Variants in KDM1A observed in about 807,000 individuals in gnomAD.
KDM1A encodes lysine demethylase 1A.
Under a neutral mutation model 109.4 loss-of-function variants are expected in KDM1A, and 49 were observed. The ratio of observed to expected loss-of-function variants is 0.45; its 90% CI spans 0.36 to 0.57. The LOEUF is 0.57. KDM1A is among the 20% of genes least tolerant of loss of function. The pLI, the probability that KDM1A is intolerant of heterozygous loss-of-function variation, is 0.00. For missense variants in KDM1A, 668 were observed against 1,116.6 expected, an observed-to-expected ratio of 0.60 and a Z score of 5.73; for synonymous variants, 380 against 415.4, an observed-to-expected ratio of 0.91 and a Z score of 1.04.
intron 3 of KDM1A, among the ~76,000 whole-genome samples, chr1:23,047,382 AG>A (rs1642532155): frequency 6.6e-6 from 1 of 152,188 alleles, no homozygotes; most frequent in African/African-American, 2.4e-5. Flanking sequence ...GAGAATAGCT[AG>A]TTTTCTTAGA....
At chr1:23,055,007 T>C (rs767305635) in intron 5 of KDM1A, 62 bp from the exon 6 acceptor site, 2 of 1,017,146 alleles carry the variant, frequency 2.0e-6, no homozygotes, top group Non-Finnish European at 3.0e-6. Flanking sequence ...ATGGAAGAGT[T>C]AGAAGAATAT....
rs753939457 is a variant in KDM1A at position 23,044,462 on chromosome 1, G to A, written c.553G>A (p.Gly185Arg). Residue 185 changes from glycine (G) to arginine (R), a missense_variant, in exon 3 of 21, where the codon GGG (glycine) becomes AGG (arginine). Transcript: ENST00000400181. The stretch of plus-strand genomic sequence containing the variant: ...AGGACTTCAAGACGACAGTTCTGGA[G>A]GGTATGGAGACGGCCAAGCATCAGG... ...AGGLQDDSSG[G>R]YGDGQASGVE... 1.2e-6 allele frequency: 2 copies of A among 1,612,918 alleles called. No homozygotes were observed. The highest frequency in any genetic ancestry group is 2.2e-5 in the South Asian group (2 of 90,900).
At chr1:23,077,070 G>A (rs1643487304) in intron 15 of KDM1A, among the ~76,000 whole-genome samples, 158 bp from the exon 16 acceptor site, 1 of 151,918 alleles carries the variant, frequency 6.6e-6, no homozygotes. Flanking sequence ...GTTTCCTTTG[G>A]TAACTGTAGC....
chr1:23,046,496 A>G (rs1056882761), intron 3 of KDM1A, among the ~76,000 whole-genome samples: 1 of 152,136 alleles, frequency 6.6e-6, no homozygotes, highest in Admixed American at 6.5e-5. Flanking sequence ...AGTAACTCTC[A>G]TGGAGGCCTT....
chr1:23,039,602 C>G (rs1340453081), intron 2 of KDM1A, among the ~76,000 whole-genome samples: 1 of 152,224 alleles, frequency 6.6e-6, no homozygotes, highest in Non-Finnish European at 1.5e-5. Flanking sequence ...CTTGATCTCC[C>G]ACTGCTTTTT....
chr1:23,030,587 A>G lies in KDM1A; in HGVS notation c.470A>G (p.Gln157Arg). 6.2e-7 allele frequency: 1 copy of G among 1,600,018 alleles called. No homozygotes were observed. The highest frequency in any genetic ancestry group is 8.5e-7 in the Non-Finnish European group (1 of 1,176,188). ...AAGAAGCTTCCCCCACCACCCCCTC[A>G]AGCCCCACCTGAGGAAGAAAATGAA... ...KEKKLPPPPP[Q>R]APPEEENESE... Residue 157 changes from glutamine (Q) to arginine (R), a missense_variant, in exon 2 of 21, where the codon CAA becomes CGA. By Grantham distance (43) the Gln-to-Arg change is conservative (BLOSUM62 1). This residue lies in a region of KDM1A where 149 missense variants were observed against 189.7 expected (regional missense o/e 0.79). Coordinates refer to ENST00000400181, the MANE Select transcript of KDM1A (RefSeq NM_001009999.3).
intron 3 of KDM1A, among the ~76,000 whole-genome samples, chr1:23,049,171 A>AAG (rs1284742413): frequency 4.6e-5 from 7 of 150,798 alleles, no homozygotes; most frequent in Non-Finnish European, 1.0e-4. Flanking sequence ...AAAAAAAAAA[A>AAG]AAAAATTATA....
chr1:23,078,378 AATAT>A (rs1302863151), intron 16 of KDM1A, among the ~76,000 whole-genome samples: 2 of 152,200 alleles, frequency 1.3e-5, no homozygotes, highest in African/African-American at 4.8e-5. Context: ...ATAATTTCAA[AATAT>A]ATATAGTATA....
Position 23,019,771 on chromosome 1 carries a change from A to G in KDM1A, c.175A>G (p.Thr59Ala). 2.2e-6 allele frequency: 3 copies of G among 1,361,420 alleles called. No individual in the cohort carries two copies. The highest frequency in any genetic ancestry group is 2.8e-6 in the Non-Finnish European group (3 of 1,055,444). The allele number at this position is 1,361,420 out of a possible 1,614,324, so 84.3% of individuals were successfully genotyped here. ...EVGPGAVGER[T>A]PRKKEPPRAS... is the part of the protein sequence containing the mutation. ...CGGGCCGGGGGCGGTGGGGGAGCGC[A>G]CACCCCGCAAGAAAGAGCCTCCGCG... The change falls in exon 1 of 21, where the codon ACA (threonine) becomes GCA (alanine). Residue 59 changes from threonine to alanine, a missense_variant. Physicochemically the swap from Thr to Ala is moderately conservative, Grantham distance 58. Around this residue, in one of 8 missense-constraint regions of KDM1A, gnomAD observed 156 missense variants for 163.4 expected, o/e 0.95. Coordinates refer to ENST00000400181, the MANE Select transcript of KDM1A (RefSeq NM_001009999.3).
intron 2 of KDM1A, among the ~76,000 whole-genome samples, chr1:23,042,893 C>T (rs996208260): frequency 4.6e-5 from 7 of 151,986 alleles, no homozygotes; most frequent in East Asian, 1.9e-4. Context: ...GGATTACAGG[C>T]GAGCACCACC....
chr1:23,075,873 G>T lies in KDM1A; in HGVS notation c.1735-1355G>T, dbSNP rs182956078. Among the ~76,000 whole-genome samples, 408 of 152,154 alleles carry T rather than the reference G, an allele frequency of 2.7e-3. 4 individuals carry two copies. The highest frequency in any genetic ancestry group is 9.1e-3 in the African/African-American group (378 of 41,518). On this transcript the variant is annotated intron_variant, in intron 15 of 20. Coordinates refer to ENST00000400181, the MANE Select transcript of KDM1A (RefSeq NM_001009999.3). The stretch of plus-strand genomic sequence containing the variant: ...GAGGCAAGAGAATCGCTTGAACCCA[G>T]GAGGCGGAGGTTGCAGTGAGCCGAG...
intron 9 of KDM1A, among the ~76,000 whole-genome samples, chr1:23,063,536 A>G (rs1293368888): frequency 6.6e-6 from 1 of 152,046 alleles, no homozygotes; most frequent in Non-Finnish European, 1.5e-5. Flanking sequence ...AAACATCTTC[A>G]ATATCTTTAT....
rs556733612 is a variant in KDM1A, at chr1:23,071,433, A to G, written c.1548+74A>G. On this transcript the variant is annotated intron_variant, in intron 13 of 20. Coordinates refer to ENST00000400181, the MANE Select transcript of KDM1A (RefSeq NM_001009999.3). Reference sequence around the variant, plus strand: ...ATAGCACAGATCTGGGGAATTTTGGAAAAGAGAGCCACTAGCCAATCACAA... The same window carrying G: ...ATAGCACAGATCTGGGGAATTTTGGGAAAGAGAGCCACTAGCCAATCACAA... 2.1e-6 allele frequency: 3 copies of G among 1,428,386 alleles called. No homozygotes were observed. The Admixed American group carries it at 7.4e-5, about 35-fold the overall frequency. 88.5% of individuals were successfully genotyped at this position (1,428,386 alleles called of 1,614,324 possible). A position where few individuals can be genotyped will look rare whatever the true frequency, so the allele number is the denominator to read the frequency against.
chr1:23,044,635 A>G, intron 3 of KDM1A, 149 bp downstream of exon 3: 1 of 642,776 alleles, frequency 1.6e-6, no homozygotes, highest in East Asian at 3.0e-5. Context: ...ATAGTAGGAG[A>G]GAGTGTAGTG....
At chr1:23,055,692 G>A (rs776662157) in intron 6 of KDM1A, among the ~76,000 whole-genome samples, 8 of 152,194 alleles carry the variant, frequency 5.3e-5, no homozygotes, top group African/African-American at 1.9e-4. Flanking sequence ...GAGGTAATGA[G>A]AAAATAAATC....
At chr1:23,070,769 C>T (rs1347951655) in intron 12 of KDM1A, among the ~76,000 whole-genome samples, 1 of 151,276 alleles carries the variant, frequency 6.6e-6, no homozygotes, top group Non-Finnish European at 1.5e-5. Flanking sequence ...GATGGTGCCA[C>T]TGCACTCCAG....
intron 4 of KDM1A, among the ~76,000 whole-genome samples, chr1:23,052,262 A>G (rs189351917): frequency 2.0e-5 from 3 of 152,326 alleles, no homozygotes; most frequent in East Asian, 1.9e-4. Context: ...GTCTTAAACT[A>G]TAATACTTTA....
In KDM1A at chr1:23,042,437, AT is replaced by A. The variant is rs1316853352; in HGVS notation, c.518-1988del. Among the ~76,000 whole-genome samples, 8 of 31,158 alleles carry A rather than the reference AT, an allele frequency of 2.6e-4. No individual in the cohort carries two copies. The South Asian group carries it at 3.1e-3, about 12-fold the overall frequency. 20.4% of individuals were successfully genotyped at this position (31,158 alleles called of 152,430 possible). A position where few individuals can be genotyped will look rare whatever the true frequency, so the allele number is the denominator to read the frequency against. On this transcript the variant is annotated intron_variant, in intron 2 of 20. Coordinates refer to ENST00000400181, the MANE Select transcript of KDM1A (RefSeq NM_001009999.3). ...CATTTTTTAAAAATCTATGAAATAT[AT>A]TATTTTTTTTTTTTTTTTTTTTTTT... is the stretch of plus-strand genomic sequence containing the variant.
At chr1:23,020,088 C>G (rs1641575793) in intron 1 of KDM1A, 141 bp downstream of exon 1, 3 of 904,896 alleles carry the variant, frequency 3.3e-6, no homozygotes, top group Admixed American at 4.2e-5. Flanking sequence ...CGCCACGTCC[C>G]CTCTAGCTGG....
Sources: gnomAD v4.1 joint callset for allele counts (sites outside exome capture counted in the v4.1 genomes callset) on GRCh38, gnomAD v4.1.1 for gene constraint, gnomAD v4.1.1 regional missense constraint, MANE v1.5 for transcripts, NCBI Gene and HGNC (gene_info 2026-07-23, HGNC 2026-07-21) for gene names.